Variants in FRMD6 observed in about 807,000 individuals in gnomAD.
FRMD6 encodes FERM domain-containing protein 6.
FRMD6 carries 37 observed loss-of-function variants against 73.2 expected under a neutral mutation model. That is an observed-to-expected ratio of 0.51 (90% CI 0.39 to 0.66). The LOEUF is 0.66. Among genes scored for constraint, FRMD6 ranks in the 30% least tolerant of loss-of-function variants. The probability of loss-of-function intolerance (pLI) is 0.00; values close to 1 mark genes in which losing one functional copy is unlikely to be tolerated. For missense variants in FRMD6, 714 were observed against 780.5 expected (o/e 0.91, Z 1.02); for synonymous variants, 273 against 282.2 (o/e 0.97, Z 0.33).
rs375860755 is a variant in FRMD6 at position 51,652,698 on chromosome 14, A to G, written c.-147+702A>G. Reference sequence around the variant, plus strand: ...ACGAGTTGGGGGTGCGGCCTGCAGAATTTGGGTTTCTGGAGGAGCTTACGG... The same window carrying G: ...ACGAGTTGGGGGTGCGGCCTGCAGAGTTTGGGTTTCTGGAGGAGCTTACGG... On this transcript the variant is annotated intron_variant, in intron 1 of 13. Coordinates refer to ENST00000344768, the MANE Select transcript of FRMD6 (RefSeq NM_001267046.2). 7.0e-3 allele frequency among the ~76,000 whole-genome samples: 1,072 copies of G among 152,258 alleles called. 17 individuals carry two copies. The highest frequency in any genetic ancestry group is 0.025 in the African/African-American group (1,023 of 41,560).
At chr14:51,669,844 A>G (rs1893869673) in intron 1 of FRMD6, among the ~76,000 whole-genome samples, 1 of 150,108 alleles carries the variant, frequency 6.7e-6, no homozygotes, top group Non-Finnish European at 1.5e-5. Context: ...GGGCAAAATT[A>G]AAAAGCAAAA....
At chr14:51,472,026 T>C in the FRMD6 span, among the ~76,000 whole-genome samples, 400 of 152,336 alleles carry the variant, frequency 2.6e-3, 9 homozygotes, top group East Asian at 0.057. Context: ...CCAGACCCTA[T>C]GAGGCAACTG....
At chr14:51,670,918 A>T (rs1436415459) in intron 1 of FRMD6, among the ~76,000 whole-genome samples, 1 of 152,220 alleles carries the variant, frequency 6.6e-6, no homozygotes, top group Non-Finnish European at 1.5e-5. Context: ...AAATGGTGGG[A>T]TTACAGGCGT....
At chr14:51,688,639 A>G (rs1306380046) in intron 1 of FRMD6, among the ~76,000 whole-genome samples, 2 of 152,150 alleles carry the variant, frequency 1.3e-5, no homozygotes, top group African/African-American at 4.8e-5. Flanking sequence ...ACGTCCTACA[A>G]ATGTAGCTGG....
chr14:51,431,550 C>G, the FRMD6 span, among the ~76,000 whole-genome samples: 2 of 152,232 alleles, frequency 1.3e-5, no homozygotes, highest in African/African-American at 4.8e-5. Context: ...GCACCTCCTT[C>G]TTAACCAATG....
intron 1 of FRMD6, among the ~76,000 whole-genome samples, chr14:51,662,823 A>T (rs1195904099): frequency 6.6e-6 from 1 of 152,228 alleles, no homozygotes; most frequent in Non-Finnish European, 1.5e-5. Context: ...ACAGCAAAGG[A>T]AACTGTCAAC....
intron 1 of FRMD6, among the ~76,000 whole-genome samples, chr14:51,555,351 A>G (rs1402796302): frequency 6.6e-6 from 1 of 152,208 alleles, no homozygotes; most frequent in Non-Finnish European, 1.5e-5. Context: ...CAAATTTAAA[A>G]CAAATTTGCC....
intron 1 of FRMD6, among the ~76,000 whole-genome samples, chr14:51,503,640 T>C (rs1883752656): frequency 6.6e-6 from 1 of 151,906 alleles, no homozygotes; most frequent in South Asian, 2.1e-4. Context: ...TTGAGGATTT[T>C]TGCATTGATG....
At chr14:51,435,547 A>G in the FRMD6 span, among the ~76,000 whole-genome samples, 1 of 152,358 alleles carries the variant, frequency 6.6e-6, no homozygotes, top group South Asian at 2.1e-4. Context: ...TTGAATTTTT[A>G]CTACTGAAAA....
intron 1 of FRMD6, among the ~76,000 whole-genome samples, chr14:51,528,447 T>A (rs974251486): frequency 6.6e-6 from 1 of 152,196 alleles, no homozygotes; most frequent in African/African-American, 2.4e-5. Flanking sequence ...AACTATAAGA[T>A]GAGGAACTTT....
intron 2 of FRMD6, among the ~76,000 whole-genome samples, chr14:51,626,742 A>G (rs576230162): frequency 2.6e-4 from 39 of 152,314 alleles, no homozygotes; most frequent in African/African-American, 8.9e-4. Flanking sequence ...TGTGCTACTT[A>G]TCAACTGCCA....
the FRMD6 span, among the ~76,000 whole-genome samples, chr14:51,434,114 C>G: frequency 2.6e-5 from 4 of 151,996 alleles, no homozygotes; most frequent in Non-Finnish European, 5.9e-5. Flanking sequence ...GGGGAGGAAG[C>G]TAGAATAAAC....
chr14:51,686,154 A>AG (rs1895136190), intron 1 of FRMD6, among the ~76,000 whole-genome samples: 1 of 151,806 alleles, frequency 6.6e-6, no homozygotes, highest in Admixed American at 6.6e-5. Flanking sequence ...CCTACTTTTA[A>AG]TTTTAAAATT....
upstream of FRMD6, among the ~76,000 whole-genome samples, chr14:51,486,706 G>C (rs1476259448): frequency 6.6e-6 from 1 of 152,178 alleles, no homozygotes; most frequent in Non-Finnish European, 1.5e-5. Flanking sequence ...ATTTCAAGTT[G>C]AAAGTGGATG....
At chr14:51,713,923 C>G (rs1897100004) in intron 9 of FRMD6, 1 of 152,066 alleles carries the variant, frequency 6.6e-6, no homozygotes, top group African/African-American at 2.4e-5. Flanking sequence ...TTTTTAGGGT[C>G]CTGGACTTGT....
intron 1 of FRMD6, among the ~76,000 whole-genome samples, chr14:51,512,747 C>G (rs558821681): frequency 6.6e-6 from 1 of 152,074 alleles, no homozygotes; most frequent in African/African-American, 2.4e-5. Flanking sequence ...ATTCTTTCCC[C>G]CAGGCTGGAA....
intron 2 of FRMD6, among the ~76,000 whole-genome samples, chr14:51,695,653 A>G (rs943124436): frequency 1.3e-5 from 2 of 152,206 alleles, no homozygotes; most frequent in Non-Finnish European, 1.5e-5. Flanking sequence ...CCTGCCTTTC[A>G]TTCATCGAAC....
chr14:51,528,484 A>G lies in FRMD6; in HGVS notation c.-210+39064A>G, dbSNP rs149517300. On this transcript the variant is annotated intron_variant, in intron 1 of 14. Transcript: ENST00000356218. ...GCTATATCTCTAATCTTCCGTATGT[A>G]TAATTAAACCCTTGCATTCCAGAAT... 9.2e-5 allele frequency among the ~76,000 whole-genome samples: 14 copies of G among 152,294 alleles called. No individual in the cohort carries two copies. In the East Asian group the frequency reaches 2.3e-3, roughly 25 times the overall value.
intron 1 of FRMD6, among the ~76,000 whole-genome samples, chr14:51,509,176 C>G (rs1566784372): frequency 1.3e-5 from 2 of 152,316 alleles, no homozygotes; most frequent in South Asian, 2.1e-4. Flanking sequence ...TTTGTCCCCA[C>G]TTGGTTACAT....
Sources: allele counts gnomAD v4.1 joint callset (sites outside exome capture counted in the v4.1 genomes callset), GRCh38; gene constraint gnomAD v4.1.1; transcripts MANE v1.5; gene names NCBI Gene and HGNC (gene_info 2026-07-23, HGNC 2026-07-21).